The following DNAH6 variants were observed in gnomAD, a reference collection of about 807,000 sequenced individuals.
DNAH6 encodes the protein axonemal beta dynein heavy chain 6.
In DNAH6, 340 loss-of-function variants were observed where a neutral mutation model predicts 491.4. That is an observed-to-expected ratio of 0.69 (90% CI 0.63 to 0.76). The LOEUF is 0.76. Ranked by LOEUF, DNAH6 falls within the 30% of genes least tolerant of loss-of-function variation. The pLI is 0.00. For missense variants in DNAH6, 4,443 were observed against 4,972.2 expected, an observed-to-expected ratio of 0.89 and a Z score of 3.20; for synonymous variants, 1,603 against 1,686.1, an observed-to-expected ratio of 0.95 and a Z score of 1.21.
intron 63 of DNAH6, among the ~76,000 whole-genome samples, chr2:84,747,348 T>C (rs576482327): frequency 6.6e-6 from 1 of 152,318 alleles, no homozygotes; most frequent in African/African-American, 2.4e-5. Context: ...TAAACATTCC[T>C]ATTCCAAAAG....
At chr2:84,728,183 G>A (rs1404625806) in intron 61 of DNAH6, among the ~76,000 whole-genome samples, 1 of 152,192 alleles carries the variant, frequency 6.6e-6, no homozygotes, top group Non-Finnish European at 1.5e-5. Flanking sequence ...CCATGATTGT[G>A]AGGCCTCCCT....
intron 40 of DNAH6, among the ~76,000 whole-genome samples, chr2:84,675,804 G>T (rs191284106): frequency 2.6e-5 from 4 of 152,072 alleles, no homozygotes; most frequent in Non-Finnish European, 4.4e-5. Context: ...GACCACAGGC[G>T]CATGCCACCA....
chr2:84,632,203 A>G (rs777448544), intron 29 of DNAH6, among the ~76,000 whole-genome samples: 1 of 152,178 alleles, frequency 6.6e-6, no homozygotes, highest in Non-Finnish European at 1.5e-5. Flanking sequence ...TTTGTTTGGC[A>G]CCCTGGAGGT....
intron 4 of DNAH6, among the ~76,000 whole-genome samples, chr2:84,536,659 A>T (rs1479465638): frequency 6.6e-6 from 1 of 152,044 alleles, no homozygotes; most frequent in African/African-American, 2.4e-5. Context: ...AATTTTGACT[A>T]GTCGAAAAGG....
At chr2:84,728,205 AC>A (rs1178235087) in intron 61 of DNAH6, among the ~76,000 whole-genome samples, 1 of 152,164 alleles carries the variant, frequency 6.6e-6, no homozygotes, top group Non-Finnish European at 1.5e-5. Flanking sequence ...GCTGCATGGA[AC>A]TGTGAGTTCC....
chr2:84,605,636 C>T, intron 20 of DNAH6, 44 bp downstream of exon 20: 1 of 1,238,338 alleles, frequency 8.1e-7, no homozygotes, highest in Non-Finnish European at 1.2e-6. Flanking sequence ...AGATCCCAGC[C>T]ACACCTAGTC....
intron 4 of DNAH6, among the ~76,000 whole-genome samples, chr2:84,531,731 G>A (rs1017863015): frequency 2.1e-5 from 2 of 97,406 alleles, no homozygotes; most frequent in African/African-American, 2.9e-5. Flanking sequence ...GATGGTAGAC[G>A]AAGGAGAATT....
At chr2:84,559,916 T>A (rs10166830) in intron 11 of DNAH6, among the ~76,000 whole-genome samples, 3 of 152,204 alleles carry the variant, frequency 2.0e-5, no homozygotes, top group South Asian at 4.1e-4. Flanking sequence ...AGTTTAACAC[T>A]ACTATAGAAG....
rs1377131647 is a variant in DNAH6 at position 84,725,130 on chromosome 2, C to T, written c.9972+2326C>T. ...CAATGGTGCTTAGCACCACATAATGCTCGAGTGTTTCATGAATGAAGAGTC... is the reference window on the plus strand; with the variant it reads ...CAATGGTGCTTAGCACCACATAATGTTCGAGTGTTTCATGAATGAAGAGTC... On this transcript the variant is annotated intron_variant, in intron 60 of 76. Coordinates refer to ENST00000389394, the MANE Select transcript of DNAH6 (RefSeq NM_001370.2). Among the ~76,000 whole-genome samples the T allele has an allele frequency of 2.6e-5, 4 of 152,308 alleles. No individual in the cohort carries two copies. The East Asian group carries it at 7.7e-4, about 29-fold the overall frequency.
intron 30 of DNAH6, among the ~76,000 whole-genome samples, chr2:84,635,357 C>T (rs2104470892): frequency 6.6e-6 from 1 of 152,176 alleles, no homozygotes; most frequent in South Asian, 2.1e-4. Context: ...ATGTCATTTC[C>T]CCCAAGGTAA....
At chr2:84,742,773 T>C (rs895693060) in intron 62 of DNAH6, among the ~76,000 whole-genome samples, 4 of 152,200 alleles carry the variant, frequency 2.6e-5, no homozygotes, top group African/African-American at 7.2e-5. Flanking sequence ...TCCCCTCTAC[T>C]GATTTGAAAT....
In DNAH6 at chr2:84,598,188, T is replaced by TTTCTTTCTTTTC. The variant is rs1553438141; in HGVS notation, c.2868+2401_2868+2402insCTTTCTTTTCTT. 6.8e-5 allele frequency among the ~76,000 whole-genome samples: 9 copies of TTTCTTTCTTTTC among 132,954 alleles called. No homozygotes were observed. In the South Asian group the frequency reaches 1.2e-3, roughly 18 times the overall value. The allele number at this position is 132,954 out of a possible 152,430, so 87.2% of individuals were successfully genotyped here. On this transcript the variant is annotated intron_variant, in intron 18 of 76. Coordinates refer to ENST00000389394, the MANE Select transcript of DNAH6 (RefSeq NM_001370.2). Reference sequence around the variant, plus strand: ...CTTTCTTTCTTTCTTTCTCTCTTTCTTTTCTTTCTTTCTTTCTTTCTATGA... The same window carrying TTTCTTTCTTTTC: ...CTTTCTTTCTTTCTTTCTCTCTTTCTTTCTTTCTTTTCTTTCTTTCTTTCTTTCTTTCTATGA...
At chr2:84,752,165 T>G (rs1673531090) in intron 63 of DNAH6, among the ~76,000 whole-genome samples, 1 of 152,194 alleles carries the variant, frequency 6.6e-6, no homozygotes, top group African/African-American at 2.4e-5. Flanking sequence ...TGAATCTCAC[T>G]TAGAGCAACA....
At chr2:84,717,965 C>T (rs1697706632) in intron 58 of DNAH6, among the ~76,000 whole-genome samples, 1 of 152,136 alleles carries the variant, frequency 6.6e-6, no homozygotes, top group South Asian at 2.1e-4. Flanking sequence ...GTGGGAACTT[C>T]AGTAGTATGC....
At chr2:84,532,992 C>T (rs1034389727) in intron 4 of DNAH6, among the ~76,000 whole-genome samples, 1 of 152,070 alleles carries the variant, frequency 6.6e-6, no homozygotes, top group Non-Finnish European at 1.5e-5. Flanking sequence ...ATATACAGTA[C>T]ACGTATGAGA....
At chr2:84,676,250 T>G (rs1432594797) in intron 40 of DNAH6, among the ~76,000 whole-genome samples, 1 of 152,242 alleles carries the variant, frequency 6.6e-6, no homozygotes, top group Non-Finnish European at 1.5e-5. Flanking sequence ...GCCTTCTTTT[T>G]CAGCTCCCAT....
intron 64 of DNAH6, among the ~76,000 whole-genome samples, chr2:84,764,677 G>T (rs1674911053): frequency 6.6e-6 from 1 of 152,112 alleles, no homozygotes; most frequent in African/African-American, 2.4e-5. Flanking sequence ...TTAGACTTCT[G>T]TGATATTTCA....
At chr2:84,690,058 C>T (rs901607857) in intron 45 of DNAH6, among the ~76,000 whole-genome samples, 8 of 152,220 alleles carry the variant, frequency 5.3e-5, no homozygotes, top group Admixed American at 6.5e-5. Context: ...ACTTAAAATG[C>T]AGCATCCAGA....
chr2:84,595,121 A>G (rs566519127), intron 17 of DNAH6, among the ~76,000 whole-genome samples: 1 of 152,314 alleles, frequency 6.6e-6, no homozygotes, highest in South Asian at 2.1e-4. Context: ...GACTTAGAAA[A>G]AAAGAAAAAT....
Sources: gnomAD v4.1 joint callset for allele counts (sites outside exome capture counted in the v4.1 genomes callset) on GRCh38, gnomAD v4.1.1 for gene constraint, MANE v1.5 for transcripts, NCBI Gene and HGNC (gene_info 2026-07-23, HGNC 2026-07-21) for gene names.